The following AGO1 variants were observed in gnomAD, a reference collection of about 807,000 sequenced individuals.
AGO1 encodes the protein protein argonaute-1.
A neutral mutation model predicts 109.2 loss-of-function variants in AGO1; 11 were observed. That is an observed-to-expected ratio of 0.10 (90% CI 0.06 to 0.17). The LOEUF (loss-of-function observed/expected upper bound fraction) is 0.17. AGO1 is among the 10% of genes least tolerant of loss of function. The pLI is 1.00. For missense variants in AGO1, 574 were observed against 1,140.3 expected (o/e 0.50, Z 7.15); for synonymous variants, 422 against 418.6 (o/e 1.01, Z -0.10).
intron 1 of AGO1, among the ~76,000 whole-genome samples, chr1:35,886,217 C>G (rs879324642): frequency 4.6e-5 from 7 of 152,092 alleles, no homozygotes; most frequent in Non-Finnish European, 7.4e-5. Context: ...GTGCTGGGGC[C>G]CTCATCTGCA....
intron 2 of AGO1, among the ~76,000 whole-genome samples, chr1:35,891,592 T>C (rs1316936930): frequency 6.6e-6 from 1 of 152,024 alleles, no homozygotes; most frequent in Non-Finnish European, 1.5e-5. Flanking sequence ...TGAGACGGAG[T>C]CTCACTTTAT....
chr1:35,870,115 C>G (rs1644935426), intron 1 of AGO1, among the ~76,000 whole-genome samples: 1 of 151,976 alleles, frequency 6.6e-6, no homozygotes. Context: ...TCATATTTAT[C>G]ACCCAAGCGT....
At chr1:35,903,433 C>G (rs943403001) in intron 11 of AGO1, among the ~76,000 whole-genome samples, 1 of 151,922 alleles carries the variant, frequency 6.6e-6, no homozygotes, top group Non-Finnish European at 1.5e-5. Flanking sequence ...TTCATATTCT[C>G]TGAATCTGGA....
chr1:35,899,326 T>C (rs1278239696), intron 8 of AGO1, among the ~76,000 whole-genome samples: 1 of 152,262 alleles, frequency 6.6e-6, no homozygotes. Flanking sequence ...CTTTTGGTTA[T>C]TGTGAATAAT....
chr1:35,885,639 C>T (rs1174688759), intron 1 of AGO1, among the ~76,000 whole-genome samples: 3 of 152,228 alleles, frequency 2.0e-5, no homozygotes, highest in African/African-American at 7.2e-5. Flanking sequence ...AAAAAACCCC[C>T]CAAAAACTAA....
At position 35,901,451 on chromosome 1, in the gene AGO1, A is replaced by G. The variant is rs773127887; in HGVS notation, c.1021-23A>G. 1.2e-6 allele frequency: 2 copies of G among 1,613,768 alleles called. No individual in the cohort carries two copies. Among genetic ancestry groups the G allele is most frequent in the Non-Finnish European group, 1.7e-6 (2 of 1,179,836 alleles). On this transcript the variant is annotated intron_variant, in intron 8 of 18. Transcript: ENST00000373204. This position sits in a 1 kb window ranked among gnomAD's most constrained non-coding sequence, Gnocchi z 4.8. ...GGTGGACTGTACTCAAGCCAGAGCT[A>G]CCTGTCCTTCTTGTTTCCTCAGGTC...
At chr1:35,894,288 C>T (rs372027491) in intron 6 of AGO1, 27 bp from the exon 7 acceptor site, 10 of 1,612,932 alleles carry the variant, frequency 6.2e-6, no homozygotes, top group Non-Finnish European at 7.6e-6. Context: ...CCTATTTTAG[C>T]CCTGACAAGC....
rs763435450 is a variant in AGO1 at position 35,929,758 on chromosome 1, T to C, written c.*10151T>C. 18 of 152,230 alleles carry C rather than the reference T, an allele frequency of 1.2e-4. No homozygotes were observed. The highest frequency in any genetic ancestry group is 3.4e-4 in the African/African-American group (14 of 41,450). 9.4% of individuals were successfully genotyped at this position (152,230 alleles called of 1,614,324 possible). ...CATACATTTATTGTTTAATATTATA[T>C]GGTAAGTACTTTAAAATGGTAAATA... On this transcript the variant is annotated 3_prime_UTR_variant, in exon 19 of 19. Coordinates refer to ENST00000373204, the MANE Select transcript of AGO1 (RefSeq NM_012199.5).
At position 35,894,190 on chromosome 1, in the gene AGO1, G is replaced by C. The variant is rs200323358; in HGVS notation, c.784+19G>C. 1.7e-5 allele frequency: 26 copies of C among 1,568,578 alleles called. No individual in the cohort carries two copies. In the African/African-American group the frequency reaches 3.4e-4, roughly 20 times the overall value. On this transcript the variant is annotated intron_variant, in intron 6 of 18. Coordinates refer to ENST00000373204, the MANE Select transcript of AGO1 (RefSeq NM_012199.5). ...ATCAAGGGTGAGGACCCAACAGGAGGGGAAGGGAAACAGCGCCACTTTAGC... is the reference window on the plus strand; with the variant it reads ...ATCAAGGGTGAGGACCCAACAGGAGCGGAAGGGAAACAGCGCCACTTTAGC...
chr1:35,917,603 A>G lies in AGO1; in HGVS notation c.2039A>G (p.Tyr680Cys), dbSNP rs1224957910. Residue 680 changes from tyrosine (Y) to cysteine (C), a missense_variant, in exon 16 of 19, where the codon TAT (tyrosine) becomes TGT (cysteine). Tyr to Cys is a radical substitution (Grantham distance 194). Around this residue, in one of 8 missense-constraint regions of AGO1, gnomAD observed 45 missense variants for 61.3 expected, o/e 0.73. Coordinates refer to ENST00000373204, the MANE Select transcript of AGO1 (RefSeq NM_012199.5). ...TTTTTTTGTGCCTAGATACTCCACT[A>G]TGAGCTACTGGCCATTCGTGATGCC... ...PEGQLPQILH[Y>C]ELLAIRDACI... is the part of the protein sequence containing the mutation. The G allele has an allele frequency of 2.5e-6, 4 of 1,612,932 alleles. No homozygotes were observed. In the Admixed American group the frequency reaches 5.0e-5, roughly 20 times the overall value.
upstream of AGO1, among the ~76,000 whole-genome samples, chr1:35,881,124 G>T (rs543207937): frequency 4.6e-4 from 70 of 152,296 alleles, no homozygotes; most frequent in Non-Finnish European, 8.8e-4. Context: ...TATTGAAACC[G>T]AGACAGTCTG....
intron 16 of AGO1, among the ~76,000 whole-genome samples, chr1:35,918,001 T>C (rs572424551): frequency 2.6e-5 from 4 of 152,242 alleles, no homozygotes; most frequent in Admixed American, 1.3e-4. Context: ...GGAAGGGAAC[T>C]ACCATTTATT....
Position 35,928,641 on chromosome 1 carries a change from T to A in AGO1, c.*9034T>A, listed in dbSNP as rs981312528. 1 of 152,238 alleles carries A rather than the reference T, an allele frequency of 6.6e-6. No homozygotes were observed. The highest frequency in any genetic ancestry group is 6.5e-5 in the Admixed American group (1 of 15,282). The allele number at this position is 152,238 out of a possible 1,614,324, so 9.4% of individuals were successfully genotyped here. On this transcript the variant is annotated 3_prime_UTR_variant, in exon 19 of 19. Coordinates refer to ENST00000373204, the MANE Select transcript of AGO1 (RefSeq NM_012199.5). ...TTTATTGAGTTGTAAGAGTTCTTTA[T>A]TCATTTTAAACACAAGTCCTTTGTT...
chr1:35,910,292 G>C (rs896490946), intron 12 of AGO1, among the ~76,000 whole-genome samples: 2 of 151,666 alleles, frequency 1.3e-5, no homozygotes, highest in African/African-American at 2.4e-5. Context: ...CCCTGAGAGC[G>C]TAGAAGGACA....
At chr1:35,882,235 A>G (rs750488533), upstream of AGO1, among the ~76,000 whole-genome samples, 1 of 152,202 alleles carries the variant, frequency 6.6e-6, no homozygotes, top group Non-Finnish European at 1.5e-5. The surrounding 1 kb of genome is among the most constrained non-coding windows in gnomAD (Gnocchi z 5.1). Flanking sequence ...AAATGTGAGT[A>G]TGAGACATGG....
rs1645804548 is a variant in AGO1 at position 35,920,124 on chromosome 1, A to G, written c.*517A>G. 2.0e-5 allele frequency: 3 copies of G among 153,078 alleles called. No homozygotes were observed. Among genetic ancestry groups the G allele is most frequent in the Non-Finnish European group, 4.4e-5 (3 of 68,542 alleles). The allele number at this position is 153,078 out of a possible 1,614,324, so 9.5% of individuals were successfully genotyped here. Reference sequence around the variant, plus strand: ...AGAAGAAAAATGAAACCAGACCCAGATCAATATTTTAGGATACTAGATGTT... The same window carrying G: ...AGAAGAAAAATGAAACCAGACCCAGGTCAATATTTTAGGATACTAGATGTT... On this transcript the variant is annotated 3_prime_UTR_variant, in exon 19 of 19. Transcript: ENST00000373204.
At position 35,912,349 on chromosome 1, in the gene AGO1, ACT is replaced by A. The variant is rs777949884; in HGVS notation, c.1583-1490_1583-1489del. 1.1e-4 allele frequency among the ~76,000 whole-genome samples: 13 copies of A among 119,308 alleles called. No individual in the cohort carries two copies. The East Asian group carries it at 1.5e-3, about 14-fold the overall frequency. 78.3% of individuals were successfully genotyped at this position (119,308 alleles called of 152,430 possible). On this transcript the variant is annotated intron_variant, in intron 12 of 18. Transcript: ENST00000373204. The stretch of plus-strand genomic sequence containing the variant: ...ACTCCAGCCTGGGAGACAGAGCGAG[ACT>A]CTGTCTCAGAAAAAAAAAAAAAAAA...
At chr1:35,882,901 C>T (rs1176926641), upstream of AGO1, 2 of 985,164 alleles carry the variant, frequency 2.0e-6, no homozygotes, top group Admixed American at 6.2e-5. This position sits in a 1 kb window ranked among gnomAD's most constrained non-coding sequence, Gnocchi z 5.1. Flanking sequence ...ATAATGTGTG[C>T]GCGCAGCTCG....
At chr1:35,887,246 G>T (rs963806926) in intron 1 of AGO1, among the ~76,000 whole-genome samples, 6 of 152,138 alleles carry the variant, frequency 3.9e-5, no homozygotes, top group African/African-American at 1.2e-4. Context: ...CTGAGGGTAT[G>T]CCCCATCCCC....
Sources: gnomAD v4.1 joint callset for allele counts (sites outside exome capture counted in the v4.1 genomes callset) on GRCh38, gnomAD v4.1.1 for gene constraint, gnomAD v4.1.1 regional missense constraint, Gnocchi (gnomAD v3.1) non-coding constraint, MANE v1.5 for transcripts, NCBI Gene and HGNC (gene_info 2026-07-23, HGNC 2026-07-21) for gene names.